Variants in SGK1 observed in about 807,000 individuals in gnomAD.
The protein encoded by SGK1 is serum/glucocorticoid regulated kinase 1.
A neutral mutation model predicts 64.2 loss-of-function variants in SGK1; 26 were observed. The ratio of observed to expected loss-of-function variants is 0.40; its 90% CI spans 0.30 to 0.56. SGK1 has a LOEUF of 0.56. Among genes scored for constraint, SGK1 ranks in the 20% least tolerant of loss-of-function variants. SGK1 has a pLI of 0.38. For missense variants in SGK1, 519 were observed against 645.6 expected, an observed-to-expected ratio of 0.80 and a Z score of 2.12; for synonymous variants, 265 against 239.7, an observed-to-expected ratio of 1.11 and a Z score of -0.98.
In SGK1 at chr6:134,171,012, ACAT is replaced by A. The variant is rs1562235854; in HGVS notation, c.1323+8_1323+10del. 1.9e-6 allele frequency: 3 copies of A among 1,613,938 alleles called. No individual in the cohort carries two copies. Among genetic ancestry groups the A allele is most frequent in the Admixed American group, 1.7e-5 (1 of 60,016 alleles). Reference sequence around the variant, plus strand: ...CCGGCCGGCCCAGGAGGACAGGAAAACATCACTCACGAAGTCATCCTTGGCCCC... The same window carrying A: ...CCGGCCGGCCCAGGAGGACAGGAAAACACTCACGAAGTCATCCTTGGCCCC... On this transcript the variant is annotated splice_region_variant and intron_variant, in intron 12 of 13. Transcript: ENST00000367858.
At chr6:134,259,501 G>A (rs141617506) in intron 2 of SGK1, among the ~76,000 whole-genome samples, 1,642 of 151,874 alleles carry the variant, frequency 0.011, 32 homozygotes, top group African/African-American at 0.037. Context: ...AAAATTACCC[G>A]GGTGTGGTGT....
intron 3 of SGK1, among the ~76,000 whole-genome samples, chr6:134,191,138 A>T (rs1775502961): frequency 6.6e-6 from 1 of 152,316 alleles, no homozygotes; most frequent in African/African-American, 2.4e-5. Flanking sequence ...TATGTGTATA[A>T]AGGACAGTTC....
At chr6:134,287,992 A>T (rs1021096783) in intron 1 of SGK1, among the ~76,000 whole-genome samples, 1 of 152,174 alleles carries the variant, frequency 6.6e-6, no homozygotes, top group African/African-American at 2.4e-5. Flanking sequence ...ACCTAACCTA[A>T]GATGTGACTC....
intron 2 of SGK1, among the ~76,000 whole-genome samples, chr6:134,212,274 T>C (rs1775904759): frequency 6.6e-6 from 1 of 152,010 alleles, no homozygotes; most frequent in African/African-American, 2.4e-5. Context: ...AGGCTGGTCT[T>C]GATCTCCTGA....
rs1425725102 is a variant in SGK1 at position 134,171,007 on chromosome 6, G to C, written c.1323+16C>G. 1 of 1,613,762 alleles carries C rather than the reference G, an allele frequency of 6.2e-7. No homozygotes were observed. The highest frequency in any genetic ancestry group is 2.2e-5 in the East Asian group (1 of 44,884). On this transcript the variant is annotated intron_variant, in intron 12 of 13. Coordinates refer to ENST00000367858, the MANE Select transcript of SGK1 (RefSeq NM_001143676.3). ...ACGTCCCGGCCGGCCCAGGAGGACAGGAAAACATCACTCACGAAGTCATCC... is the reference window on the plus strand; with the variant it reads ...ACGTCCCGGCCGGCCCAGGAGGACACGAAAACATCACTCACGAAGTCATCC...
At chr6:134,211,514 A>G (rs1027177547) in intron 2 of SGK1, 19 of 158,564 alleles carry the variant, frequency 1.2e-4, no homozygotes, top group African/African-American at 4.3e-4. Flanking sequence ...TTCTGCTCCA[A>G]CCAGCATGGT....
chr6:134,171,549 G>C (rs1413664783), intron 11 of SGK1, 88 bp downstream of exon 11: 2 of 905,144 alleles, frequency 2.2e-6, no homozygotes, highest in Non-Finnish European at 3.6e-6. Flanking sequence ...TACTGGTAAG[G>C]GCAAGACACC....
intron 2 of SGK1, among the ~76,000 whole-genome samples, chr6:134,213,615 A>AAAATAAATAAATAAATAAATAAATAAAT (rs55961271): frequency 6.5e-5 from 8 of 122,960 alleles, no homozygotes; most frequent in East Asian, 2.2e-4. Context: ...ACTCTGTCTC[A>AAAATAAATAAATAAATAAATAAATAAAT]AAATAAATAA....
intron 2 of SGK1, among the ~76,000 whole-genome samples, chr6:134,258,750 G>A (rs547329346): frequency 1.2e-4 from 19 of 152,154 alleles, no homozygotes; most frequent in East Asian, 3.9e-4. Flanking sequence ...CCTGTAATCC[G>A]AACACCCAAG....
At chr6:134,221,856 T>A (rs1776095235) in intron 2 of SGK1, among the ~76,000 whole-genome samples, 1 of 152,034 alleles carries the variant, frequency 6.6e-6, no homozygotes, top group South Asian at 2.1e-4. Context: ...TTTCACCATG[T>A]CGGCCAGGTT....
rs1047688877 is a variant in SGK1 at position 134,270,538 on chromosome 6, C to T, written c.70-8390G>A. On this transcript the variant is annotated intron_variant, in intron 1 of 13. Coordinates refer to ENST00000367858, the MANE Select transcript of SGK1 (RefSeq NM_001143676.3). ...TCTATTTAAATATTTCTCTTTAACA[C>T]GCAAGACCTATCCTGGAGCAGGCAC... is the stretch of plus-strand genomic sequence containing the variant. Among the ~76,000 whole-genome samples, 8 of 148,478 alleles carry T rather than the reference C, an allele frequency of 5.4e-5. No homozygotes were observed. In the South Asian group the frequency reaches 6.6e-4, roughly 12 times the overall value.
intron 1 of SGK1, among the ~76,000 whole-genome samples, chr6:134,296,205 C>T (rs1370890473): frequency 6.6e-6 from 1 of 152,222 alleles, no homozygotes; most frequent in Non-Finnish European, 1.5e-5. Context: ...AGGACACCAG[C>T]ATTCCTGAGT....
chr6:134,170,450 GA>G lies in SGK1; in HGVS notation c.1414-16del. 1 of 1,601,752 alleles carries G rather than the reference GA, an allele frequency of 6.2e-7. No individual in the cohort carries two copies. On this transcript the variant is annotated splice_polypyrimidine_tract_variant and intron_variant, in intron 13 of 13. Transcript: ENST00000367858. ...TTGGGCCCACTCTGTGACGGGAAGG[GA>G]AAAACACTCTTGTCAAGAACTCACA...
intron 3 of SGK1, among the ~76,000 whole-genome samples, chr6:134,200,978 T>G (rs936400251): frequency 1.3e-5 from 2 of 152,070 alleles, no homozygotes; most frequent in African/African-American, 4.8e-5. Flanking sequence ...TGATTTTGAA[T>G]GAAAATACTC....
intron 3 of SGK1, among the ~76,000 whole-genome samples, chr6:134,181,135 T>C (rs1775325163): frequency 6.6e-6 from 1 of 152,152 alleles, no homozygotes; most frequent in Non-Finnish European, 1.5e-5. Context: ...GCCAGAATCC[T>C]TCCTAAGACA....
At chr6:134,310,909 G>C (rs1436916725) in intron 1 of SGK1, among the ~76,000 whole-genome samples, 2 of 152,174 alleles carry the variant, frequency 1.3e-5, no homozygotes, top group Non-Finnish European at 2.9e-5. Flanking sequence ...ACTGAAGTTA[G>C]TAATTCATAT....
intron 3 of SGK1, among the ~76,000 whole-genome samples, chr6:134,179,623 T>G (rs1031599892): frequency 2.6e-5 from 4 of 151,876 alleles, no homozygotes; most frequent in Admixed American, 6.6e-5. Flanking sequence ...TGTATAGTAA[T>G]TATTACCTTC....
At chr6:134,187,606 G>C (rs1004581881) in intron 3 of SGK1, among the ~76,000 whole-genome samples, 10 of 152,218 alleles carry the variant, frequency 6.6e-5, no homozygotes, top group Non-Finnish European at 1.5e-4. Context: ...TAACCCAGCT[G>C]CTCCAGGATG....
intron 2 of SGK1, among the ~76,000 whole-genome samples, chr6:134,252,865 A>G (rs1776626558): frequency 6.6e-6 from 1 of 152,170 alleles, no homozygotes; most frequent in Non-Finnish European, 1.5e-5. Flanking sequence ...GAAATGAGCA[A>G]TTTGAAGTAC....
Sources: allele counts gnomAD v4.1 joint callset (sites outside exome capture counted in the v4.1 genomes callset), GRCh38; gene constraint gnomAD v4.1.1; transcripts MANE v1.5; gene names NCBI Gene and HGNC (gene_info 2026-07-23, HGNC 2026-07-21).